STAT4: variants seen among roughly 807,000 people sequenced by gnomAD.
The protein encoded by STAT4 is signal transducer and activator of transcription 4.
A neutral mutation model predicts 110.5 loss-of-function variants in STAT4; 42 were observed. The ratio of observed to expected loss-of-function variants is 0.38; its 90% CI spans 0.30 to 0.49. The LOEUF (loss-of-function observed/expected upper bound fraction) is 0.49, where lower values mean the gene tolerates loss of function less well. STAT4 is among the 20% of genes least tolerant of loss of function. STAT4 has a pLI of 0.95. For missense variants in STAT4, 632 were observed against 887.9 expected, an observed-to-expected ratio of 0.71 and a Z score of 3.66; for synonymous variants, 284 against 302.2, an observed-to-expected ratio of 0.94 and a Z score of 0.63.
Position 191,091,251 on chromosome 2 carries a change from A to T in STAT4, c.274-14926T>A, listed in dbSNP as rs931407337. Among the ~76,000 whole-genome samples, 8 of 152,212 alleles carry T rather than the reference A, an allele frequency of 5.3e-5. No homozygotes were observed. Among genetic ancestry groups the T allele is most frequent in the Admixed American group, 6.5e-5 (1 of 15,280 alleles). ...ACAAATTCTAGAATGAATACACAAG[A>T]TGACATGATTTTCTCTACATTGGCA... On this transcript the variant is annotated intron_variant, in intron 3 of 23. Coordinates refer to ENST00000392320, the MANE Select transcript of STAT4 (RefSeq NM_003151.4). The surrounding 1 kb of genome is among the most constrained non-coding windows in gnomAD (Gnocchi z 5.4).
intron 3 of STAT4, among the ~76,000 whole-genome samples, chr2:191,105,655 T>A (rs555867989): frequency 1.3e-5 from 2 of 152,350 alleles, no homozygotes; most frequent in South Asian, 4.1e-4. Context: ...TTTTAATATA[T>A]TTCCTTCCAG....
chr2:191,149,748 G>T (rs1427502946), intron 1 of STAT4, among the ~76,000 whole-genome samples: 3 of 152,130 alleles, frequency 2.0e-5, no homozygotes, highest in Non-Finnish European at 4.4e-5. Context: ...TTGTTCTCAT[G>T]CTACTATCAA....
At chr2:191,094,167 A>G (rs1559064037) in intron 3 of STAT4, among the ~76,000 whole-genome samples, 1 of 152,258 alleles carries the variant, frequency 6.6e-6, no homozygotes, top group African/African-American at 2.4e-5. Flanking sequence ...AACACTCTTC[A>G]GGATATTATC....
intron 3 of STAT4, among the ~76,000 whole-genome samples, chr2:191,093,599 G>C (rs1407411698): frequency 1.3e-5 from 2 of 152,200 alleles, no homozygotes; most frequent in African/African-American, 4.8e-5. Context: ...CAGCATCAAA[G>C]ATCAAAGTAG....
rs1340828285 is a variant in STAT4, at chr2:191,083,970, A to G, written c.274-7645T>C. ...CCGTCTTTGATAGGTGTTTTAAGATATAGAACTTTGTGGCTGGGTGTGGTG... is the reference window on the plus strand; with the variant it reads ...CCGTCTTTGATAGGTGTTTTAAGATGTAGAACTTTGTGGCTGGGTGTGGTG... On this transcript the variant is annotated intron_variant, in intron 3 of 23. Transcript: ENST00000392320. This position sits in a 1 kb window ranked among gnomAD's most constrained non-coding sequence, Gnocchi z 4.6. 6.6e-6 allele frequency among the ~76,000 whole-genome samples: 1 copy of G among 152,164 alleles called. No individual in the cohort carries two copies. The highest frequency in any genetic ancestry group is 1.5e-5 in the Non-Finnish European group (1 of 68,024).
chr2:191,080,998 C>G (rs1285698436), intron 3 of STAT4, among the ~76,000 whole-genome samples: 1 of 152,124 alleles, frequency 6.6e-6, no homozygotes, highest in Non-Finnish European at 1.5e-5. Context: ...CCTAGCCCCC[C>G]ATCCCCTGAC....
In STAT4 at chr2:191,033,598, T is replaced by C; in HGVS notation, c.1744A>G (p.Lys582Glu). Residue 582 changes from lysine to glutamate, a missense_variant, in exon 20 of 24, where the codon AAG becomes GAG. Lys to Glu is a moderately conservative substitution (Grantham distance 56). Transcript: ENST00000392320. This position sits in a 1 kb window ranked among gnomAD's most constrained non-coding sequence, Gnocchi z 6.9. The stretch of plus-strand genomic sequence containing the variant: ...TTATCCTTTAGCAACAGCCGTTCCT[T>C]CTCTTTGCTAACAAAGCCCATGACA... ...GYVMGFVSKE[K>E]ERLLLKDKMP... 2.5e-6 allele frequency: 4 copies of C among 1,613,996 alleles called. No individual in the cohort carries two copies. The highest frequency in any genetic ancestry group is 3.4e-6 in the Non-Finnish European group (4 of 1,179,974).
In STAT4 at chr2:191,039,095, AC is replaced by A; in HGVS notation, c.1434+103del. ...AAATACTACAAATAAAGCAACTCTC[AC>A]CCCACACCCCACTGGCACACACATG... On this transcript the variant is annotated intron_variant, in intron 16 of 23. Coordinates refer to ENST00000392320, the MANE Select transcript of STAT4 (RefSeq NM_003151.4). This position sits in a 1 kb window ranked among gnomAD's most constrained non-coding sequence, Gnocchi z 4.7. The A allele has an allele frequency of 3.1e-6, 3 of 976,830 alleles. No homozygotes were observed. In the South Asian group the frequency reaches 4.1e-5, roughly 13 times the overall value. The allele number at this position is 976,830 out of a possible 1,614,324, so 60.5% of individuals were successfully genotyped here.
chr2:191,076,357 A>T, intron 3 of STAT4, 32 bp from the exon 4 acceptor site: 2 of 1,495,102 alleles, frequency 1.3e-6, no homozygotes, highest in Non-Finnish European at 1.8e-6. Context: ...AAAAATAACT[A>T]ACGTAAAGCT....
At position 191,050,120 on chromosome 2, in the gene STAT4, G is replaced by A. The variant is rs182435407; in HGVS notation, c.1251+4370C>T. Among the ~76,000 whole-genome samples, 272 of 152,264 alleles carry A rather than the reference G, an allele frequency of 1.8e-3. No individual in the cohort carries two copies. The highest frequency in any genetic ancestry group is 6.1e-3 in the African/African-American group (252 of 41,560). On this transcript the variant is annotated intron_variant, in intron 14 of 23. Transcript: ENST00000392320. The surrounding 1 kb of genome is among the most constrained non-coding windows in gnomAD (Gnocchi z 4.3). ...AAAATTACCTAACACCTCAGTCTGTGGCTAAAACTGTCATTTATCAGTTAA... is the reference window on the plus strand; with the variant it reads ...AAAATTACCTAACACCTCAGTCTGTAGCTAAAACTGTCATTTATCAGTTAA...
At chr2:191,074,125 G>C (rs888902224) in intron 4 of STAT4, among the ~76,000 whole-genome samples, 3 of 152,266 alleles carry the variant, frequency 2.0e-5, no homozygotes, top group South Asian at 4.1e-4. Flanking sequence ...ATGTTAGCCT[G>C]GTTAAGCAAA....
intron 3 of STAT4, among the ~76,000 whole-genome samples, chr2:191,130,148 T>C (rs888279472): frequency 6.6e-6 from 1 of 152,078 alleles, no homozygotes; most frequent in East Asian, 1.9e-4. Flanking sequence ...ATAGATAGTG[T>C]ATTGAAGTTC....
At position 191,033,018 on chromosome 2, in the gene STAT4, A is replaced by G; in HGVS notation, c.1984T>C (p.Tyr662His). Residue 662 changes from tyrosine (Y) to histidine (H), a missense_variant, in exon 21 of 24, where the codon TAT becomes CAT. Tyr to His is a moderately conservative substitution (Grantham distance 83, BLOSUM62 2). Around this residue, in one of 4 missense-constraint regions of STAT4, gnomAD observed 74 missense variants for 154.3 expected, o/e 0.48. Coordinates refer to ENST00000392320, the MANE Select transcript of STAT4 (RefSeq NM_003151.4). The surrounding 1 kb of genome is among the most constrained non-coding windows in gnomAD (Gnocchi z 6.9). ...NIPENPLKYL[Y>H]PDIPKDKAFG... The stretch of plus-strand genomic sequence containing the variant: ...GCTTTGTCTTTGGGAATGTCAGGAT[A>G]TAGGTACTTCAGAGGGTTTTCAGGA... 1 of 1,614,242 alleles carries G rather than the reference A, an allele frequency of 6.2e-7. No homozygotes were observed. The highest frequency in any genetic ancestry group is 8.5e-7 in the Non-Finnish European group (1 of 1,180,026).
rs1003956840 is a variant in STAT4 at position 191,062,486 on chromosome 2, A to AC, written c.941+275dup. ...TTCATGGATATGCACATAAGAAAAA[A>AC]CCCTTGAAATTTTTTCTAAGATGTG... On this transcript the variant is annotated intron_variant, in intron 9 of 23. Transcript: ENST00000392320. The surrounding 1 kb of genome is among the most constrained non-coding windows in gnomAD (Gnocchi z 4.9). Among the ~76,000 whole-genome samples, 2 of 152,020 alleles carry AC rather than the reference A, an allele frequency of 1.3e-5. No homozygotes were observed. Among genetic ancestry groups the AC allele is most frequent in the African/African-American group, 4.8e-5 (2 of 41,376 alleles).
At position 191,107,537 on chromosome 2, in the gene STAT4, A is replaced by G. The variant is rs549938769; in HGVS notation, c.274-31212T>C. 2.0e-5 allele frequency among the ~76,000 whole-genome samples: 3 copies of G among 152,322 alleles called. No individual in the cohort carries two copies. Among genetic ancestry groups the G allele is most frequent in the Non-Finnish European group, 4.4e-5 (3 of 68,028 alleles). Reference sequence around the variant, plus strand: ...AGGCTGGGTTTATGTAACTTGCCCAAAATCATGTTGCTAATAAATCTGAGG... The same window carrying G: ...AGGCTGGGTTTATGTAACTTGCCCAGAATCATGTTGCTAATAAATCTGAGG... On this transcript the variant is annotated intron_variant, in intron 3 of 23. Coordinates refer to ENST00000392320, the MANE Select transcript of STAT4 (RefSeq NM_003151.4). The surrounding 1 kb of genome is among the most constrained non-coding windows in gnomAD (Gnocchi z 4.2).
In STAT4 at chr2:191,036,176, C is replaced by G. The variant is rs1054195155; in HGVS notation, c.1558G>C (p.Glu520Gln). The G allele has an allele frequency of 4.3e-6, 7 of 1,614,160 alleles. No homozygotes were observed. Among genetic ancestry groups the G allele is most frequent in the Admixed American group, 1.7e-5 (1 of 60,024 alleles). Residue 520 changes from glutamate (E) to glutamine (Q), a missense_variant, in exon 17 of 24, where the codon GAG (glutamate) becomes CAG (glutamine). By Grantham distance (29) the Glu-to-Gln change is conservative. This residue lies in a region of STAT4 where 488 missense variants were observed against 632.8 expected (regional missense o/e 0.77). Transcript: ENST00000392320. ...LNSDQLHMLA[E>Q]KLTVQSSYSD... ...TACCAGCTCTCACCTGTAAGCTTCT[C>G]TGCCAGCATATGGAGTTGATCTGAG...
rs1163170681 is a variant in STAT4, at chr2:191,058,259, T to C, written c.1095-40A>G. On this transcript the variant is annotated intron_variant, in intron 11 of 23. Transcript: ENST00000392320. The surrounding 1 kb of genome is among the most constrained non-coding windows in gnomAD (Gnocchi z 4.3). ...AGATTCTTTAAAACAAGCTATTTAA[T>C]AGATCTAGGAATAACTTTCTATGAT... 1 of 1,547,944 alleles carries C rather than the reference T, an allele frequency of 6.5e-7. No individual in the cohort carries two copies. The highest frequency in any genetic ancestry group is 2.3e-5 in the East Asian group (1 of 44,364).
rs540331787 is a variant in STAT4 at position 191,043,334 on chromosome 2, A to G, written c.1252-2186T>C. ...ACAAAGACGTCAAAAATAGAATAGA[A>G]AAGATAGCAAATAAAGAATTAATAT... On this transcript the variant is annotated intron_variant, in intron 14 of 23. Coordinates refer to ENST00000392320, the MANE Select transcript of STAT4 (RefSeq NM_003151.4). The surrounding 1 kb of genome is among the most constrained non-coding windows in gnomAD (Gnocchi z 4.8). Among the ~76,000 whole-genome samples, 1 of 152,284 alleles carries G rather than the reference A, an allele frequency of 6.6e-6. No homozygotes were observed. The highest frequency in any genetic ancestry group is 1.9e-4 in the East Asian group (1 of 5,190).
At chr2:191,105,529 T>C (rs1240105843) in intron 3 of STAT4, among the ~76,000 whole-genome samples, 2 of 152,228 alleles carry the variant, frequency 1.3e-5, no homozygotes, top group African/African-American at 4.8e-5. Flanking sequence ...ATATTGTCTT[T>C]CAGAGTACTA....
Sources: gnomAD v4.1 joint callset for allele counts (sites outside exome capture counted in the v4.1 genomes callset) on GRCh38, gnomAD v4.1.1 for gene constraint, gnomAD v4.1.1 regional missense constraint, Gnocchi (gnomAD v3.1) non-coding constraint, MANE v1.5 for transcripts, NCBI Gene and HGNC (gene_info 2026-07-23, HGNC 2026-07-21) for gene names.